CNGA1: variants seen among roughly 807,000 people sequenced by gnomAD.
CNGA1 encodes cyclic nucleotide gated channel subunit alpha 1.
Under a neutral mutation model 69.7 loss-of-function variants are expected in CNGA1, and 53 were observed. That is an observed-to-expected ratio of 0.76 (90% CI 0.61 to 0.96). CNGA1 has a LOEUF of 0.96. Ranked by LOEUF, CNGA1 falls within the 40% of genes least tolerant of loss-of-function variation. The pLI, the probability that CNGA1 is intolerant of heterozygous loss-of-function variation, is 0.00. For synonymous variants in CNGA1, 249 were observed against 283.5 expected, an observed-to-expected ratio of 0.88 and a Z score of 1.22; for missense variants, 739 against 811.2, an observed-to-expected ratio of 0.91 and a Z score of 1.08.
intron 2 of CNGA1, among the ~76,000 whole-genome samples, chr4:47,989,081 G>A (rs1742123921): frequency 6.6e-6 from 1 of 152,028 alleles, no homozygotes; most frequent in African/African-American, 2.4e-5. Context: ...GTATCACCTT[G>A]GGACATTAGA....
intron 3 of CNGA1, among the ~76,000 whole-genome samples, chr4:47,963,693 A>G (rs1740580535): frequency 6.6e-6 from 1 of 152,158 alleles, no homozygotes; most frequent in South Asian, 2.1e-4. Context: ...GTTACAATGA[A>G]CTGTCAATCA....
intron 2 of CNGA1, among the ~76,000 whole-genome samples, chr4:47,986,778 A>C (rs926155057): frequency 9.2e-5 from 14 of 152,110 alleles, no homozygotes; most frequent in Non-Finnish European, 1.5e-5. Context: ...AGATGATTAC[A>C]AAACAGTGTG....
intron 6 of CNGA1, among the ~76,000 whole-genome samples, chr4:47,947,234 G>A (rs1739449674): frequency 6.6e-6 from 1 of 152,218 alleles, no homozygotes; most frequent in Admixed American, 6.5e-5. Context: ...ATGTTGCATA[G>A]ATGGGTCAGT....
At chr4:48,012,020 A>G (rs2109357677) in intron 1 of CNGA1, among the ~76,000 whole-genome samples, 1 of 152,310 alleles carries the variant, frequency 6.6e-6, no homozygotes, top group South Asian at 2.1e-4. Context: ...TTAAAGATGC[A>G]AATTCTCCCC....
rs1346695256 is a variant in CNGA1, at chr4:47,936,793, A to C, written c.1689T>G (p.Ser563Arg). ...GACAGAACAGGTCTGAGTAGCCAAT[A>C]CTTTTAATATTGGCCGTTCTTCGAT... ...AGNRRTANIKSIGYSDLFCLS... is the reference protein window; with the variant it reads ...AGNRRTANIKRIGYSDLFCLS... Residue 563 changes from serine to arginine, a missense_variant, in exon 11 of 11, where the codon AGT becomes AGG. Coordinates refer to ENST00000514170, the MANE Select transcript of CNGA1 (RefSeq NM_001379270.1). 1.2e-6 allele frequency: 2 copies of C among 1,614,046 alleles called. No homozygotes were observed. Among genetic ancestry groups the C allele is most frequent in the Admixed American group, 3.3e-5 (2 of 59,998 alleles).
chr4:47,998,364 A>G (rs1251338726), intron 2 of CNGA1, among the ~76,000 whole-genome samples: 1 of 152,244 alleles, frequency 6.6e-6, no homozygotes, highest in Non-Finnish European at 1.5e-5. Context: ...AGACTGGACA[A>G]AGAATAACTT....
chr4:48,007,788 A>G (rs571933865), intron 2 of CNGA1, among the ~76,000 whole-genome samples: 2 of 152,232 alleles, frequency 1.3e-5, no homozygotes, highest in Non-Finnish European at 2.9e-5. Context: ...AAGGCAAAAG[A>G]AAAACCCTTC....
At chr4:47,974,349 G>GA (rs1207374091) in intron 3 of CNGA1, among the ~76,000 whole-genome samples, 1 of 149,952 alleles carries the variant, frequency 6.7e-6, no homozygotes, top group Admixed American at 6.7e-5. Flanking sequence ...ATTTCTAAAT[G>GA]AAAAAAGTCA....
intron 2 of CNGA1, among the ~76,000 whole-genome samples, chr4:47,990,647 A>G (rs1186670634): frequency 6.6e-6 from 1 of 152,002 alleles, no homozygotes; most frequent in Non-Finnish European, 1.5e-5. Context: ...TAAAATCCCT[A>G]ATAAAAACTT....
chr4:47,974,713 T>TG (rs1340144276), intron 3 of CNGA1, among the ~76,000 whole-genome samples: 1 of 152,002 alleles, frequency 6.6e-6, no homozygotes, highest in Non-Finnish European at 1.5e-5. Flanking sequence ...AACTAAGTTT[T>TG]TTTTTTTTTT....
At chr4:47,978,679 T>C (rs1741541372) in intron 3 of CNGA1, among the ~76,000 whole-genome samples, 1 of 152,164 alleles carries the variant, frequency 6.6e-6, no homozygotes, top group South Asian at 2.1e-4. Context: ...TATTCTTTTT[T>C]CTTGTTTTAT....
At chr4:47,941,035 T>TGG (rs1290735085) in intron 9 of CNGA1, among the ~76,000 whole-genome samples, 166 bp from the exon 10 acceptor site, 3 of 152,222 alleles carry the variant, frequency 2.0e-5, no homozygotes, top group African/African-American at 7.2e-5. Context: ...ATATTTTCCC[T>TGG]GAGTGGTTGG....
rs761406842 is a variant in CNGA1, at chr4:47,984,624, AAAAC to A, written c.-122-3128_-122-3125del. 5.6e-3 allele frequency among the ~76,000 whole-genome samples: 800 copies of A among 142,974 alleles called. 6 individuals carry two copies. Among genetic ancestry groups the A allele is most frequent in the Non-Finnish European group, 8.4e-3 (561 of 67,020 alleles). The allele number at this position is 142,974 out of a possible 152,430, so 93.8% of individuals were successfully genotyped here. A position where few individuals can be genotyped will look rare whatever the true frequency, so the allele number is the denominator to read the frequency against. On this transcript the variant is annotated intron_variant, in intron 2 of 10. Transcript: ENST00000514170. ...CAAGGCATTGAGACTCCATCTCAAAAAAACAAACAAACAAATAAAAAAAATATAT... is the reference window on the plus strand; with the variant it reads ...CAAGGCATTGAGACTCCATCTCAAAAAAACAAACAAATAAAAAAAATATAT...
intron 3 of CNGA1, among the ~76,000 whole-genome samples, chr4:47,957,167 C>T (rs1740139907): frequency 6.6e-6 from 1 of 152,056 alleles, no homozygotes; most frequent in Non-Finnish European, 1.5e-5. Flanking sequence ...AACTCCTGAC[C>T]TTAGGTGATC....
intron 10 of CNGA1, 45 bp downstream of exon 10, chr4:47,940,717 GA>G (rs764541933): frequency 5.7e-6 from 7 of 1,221,410 alleles, no homozygotes; most frequent in Non-Finnish European, 8.4e-6. Flanking sequence ...CAATGCTAGA[GA>G]TAAAAGCATG....
At chr4:47,949,674 A>G (rs1211090620) in intron 6 of CNGA1, among the ~76,000 whole-genome samples, 159 bp downstream of exon 6, 1 of 152,250 alleles carries the variant, frequency 6.6e-6, no homozygotes, top group Non-Finnish European at 1.5e-5. Context: ...TAAATGAATG[A>G]ACACTACTTT....
At chr4:47,976,241 G>GTA (rs1282722705) in intron 3 of CNGA1, among the ~76,000 whole-genome samples, 2 of 28,172 alleles carry the variant, frequency 7.1e-5, no homozygotes, top group East Asian at 4.8e-3. Flanking sequence ...ACATATATAT[G>GTA]TATATATATA....
At chr4:48,012,803 G>A (rs1483487502) in intron 1 of CNGA1, 1 of 151,914 alleles carries the variant, frequency 6.6e-6, no homozygotes, top group Non-Finnish European at 1.5e-5. Flanking sequence ...TATGATAACT[G>A]AGTGCTCTAA....
intron 2 of CNGA1, among the ~76,000 whole-genome samples, chr4:47,993,352 T>A (rs1742353838): frequency 6.6e-6 from 1 of 152,098 alleles, no homozygotes; most frequent in South Asian, 2.1e-4. Flanking sequence ...AAGTTACCAT[T>A]TCAATCTCAC....
Sources: allele counts gnomAD v4.1 joint callset (sites outside exome capture counted in the v4.1 genomes callset), GRCh38; gene constraint gnomAD v4.1.1; transcripts MANE v1.5; gene names NCBI Gene and HGNC (gene_info 2026-07-23, HGNC 2026-07-21).